The following RPH3AL variants were observed in gnomAD, a reference collection of about 807,000 sequenced individuals.
RPH3AL encodes rabphilin 3A like (without C2 domains).
Under a neutral mutation model 43.1 loss-of-function variants are expected in RPH3AL, and 38 were observed. That is an observed-to-expected ratio of 0.88 (90% CI 0.68 to 1.15). The LOEUF (loss-of-function observed/expected upper bound fraction) is 1.15. Ranked by LOEUF, RPH3AL falls within the 50% of genes most tolerant of loss-of-function variation. RPH3AL has a pLI of 0.00. For missense variants in RPH3AL, 462 were observed against 423.2 expected (o/e 1.09, Z -0.81); for synonymous variants, 189 against 176.3 (o/e 1.07, Z -0.57).
intron 5 of RPH3AL, among the ~76,000 whole-genome samples, chr17:315,552 G>A (rs879749302): frequency 4.9e-5 from 7 of 142,738 alleles, no homozygotes; most frequent in African/African-American, 1.7e-4. Context: ...CCATTGACCT[G>A]TAGTCCCTGT....
chr17:233,785 G>T (rs1238974741), intron 7 of RPH3AL, among the ~76,000 whole-genome samples: 3 of 152,320 alleles, frequency 2.0e-5, no homozygotes, highest in South Asian at 2.1e-4. Flanking sequence ...AGAGACAACA[G>T]GGCCGGGTGG....
rs75020999 is a variant in RPH3AL, at chr17:213,416, C to T, written c.*436G>A. 0.021 allele frequency: 4,467 copies of T among 216,718 alleles called. 80 individuals carry two copies. The highest frequency in any genetic ancestry group is 0.034 in the South Asian group (571 of 16,664). The allele number at this position is 216,718 out of a possible 1,614,324, so 13.4% of individuals were successfully genotyped here. A position where few individuals can be genotyped will look rare whatever the true frequency, so the allele number is the denominator to read the frequency against. ...CCCTCACTGCTCTGGCTCTGATGCT[C>T]ACCTCTAAGGGGCCACACGCAGCTT... On this transcript the variant is annotated 3_prime_UTR_variant, in exon 10 of 10. Transcript: ENST00000331302.
At chr17:312,234 A>T (rs567948141) in intron 5 of RPH3AL, among the ~76,000 whole-genome samples, 1 of 152,198 alleles carries the variant, frequency 6.6e-6, no homozygotes, top group South Asian at 2.1e-4. Flanking sequence ...CCAGGAGTTG[A>T]AGGCTGCAGT....
chr17:315,125 G>C (rs1392668807), intron 5 of RPH3AL, among the ~76,000 whole-genome samples: 13 of 146,218 alleles, frequency 8.9e-5, no homozygotes, highest in Non-Finnish European at 1.1e-4. Flanking sequence ...TTGACCTGTA[G>C]TCTCTGTGCT....
chr17:271,974 A>T (rs1038576435), intron 6 of RPH3AL, among the ~76,000 whole-genome samples: 4 of 152,262 alleles, frequency 2.6e-5, no homozygotes, highest in African/African-American at 9.6e-5. Flanking sequence ...TCAAAAGAAG[A>T]CATTTATGCA....
intron 7 of RPH3AL, among the ~76,000 whole-genome samples, chr17:244,393 T>C (rs1377375593): frequency 1.4e-5 from 2 of 147,400 alleles, no homozygotes; most frequent in Non-Finnish European, 3.0e-5. Flanking sequence ...GCCTAAGAGA[T>C]GTGGGATGTA....
intron 5 of RPH3AL, among the ~76,000 whole-genome samples, chr17:291,575 G>A (rs1386923482): frequency 3.9e-5 from 6 of 152,114 alleles, no homozygotes; most frequent in Non-Finnish European, 7.3e-5. Context: ...GAATGGCCTC[G>A]GTGCATGCAC....
At chr17:247,741 C>G (rs540048300) in intron 6 of RPH3AL, 1 of 159,674 alleles carries the variant, frequency 6.3e-6, no homozygotes, top group South Asian at 1.9e-4. Context: ...GAAAACCGTC[C>G]TCTGTTACCG....
At chr17:227,437 C>T (rs866215075) in intron 7 of RPH3AL, among the ~76,000 whole-genome samples, 5 of 151,578 alleles carry the variant, frequency 3.3e-5, no homozygotes, top group South Asian at 2.1e-4. Context: ...AGGGGACAGG[C>T]GTCATGCTGG....
chr17:301,557 G>T (rs4531806), intron 5 of RPH3AL, among the ~76,000 whole-genome samples: 30,043 of 152,098 alleles, frequency 0.2, 3,155 homozygotes, highest in Non-Finnish European at 0.24. Context: ...CTCCTGCCTT[G>T]GCCTCCCAAG....
chr17:302,029 C>T (rs535601850), intron 5 of RPH3AL, among the ~76,000 whole-genome samples: 71 of 152,360 alleles, frequency 4.7e-4, no homozygotes, highest in Admixed American at 4.0e-3. Context: ...AGACTCACTA[C>T]GGCCTGAGCC....
At chr17:275,456 C>A (rs1326607499) in intron 6 of RPH3AL, among the ~76,000 whole-genome samples, 1 of 151,966 alleles carries the variant, frequency 6.6e-6, no homozygotes. Context: ...CACATTCAAA[C>A]ACAAGCAGAA....
intron 5 of RPH3AL, among the ~76,000 whole-genome samples, chr17:315,440 G>GACTCCA (rs1163008497): frequency 1.4e-4 from 4 of 28,148 alleles, no homozygotes; most frequent in Non-Finnish European, 2.0e-4. Context: ...TAGTCCCTGT[G>GACTCCA]CCTCACCTCC....
intron 5 of RPH3AL, among the ~76,000 whole-genome samples, chr17:299,733 A>C (rs1446105800): frequency 6.6e-6 from 1 of 152,238 alleles, no homozygotes; most frequent in Non-Finnish European, 1.5e-5. Flanking sequence ...GCCGGACTGC[A>C]AATGTCATTA....
intron 5 of RPH3AL, among the ~76,000 whole-genome samples, chr17:292,720 C>T (rs555877028): frequency 2.6e-5 from 4 of 152,286 alleles, no homozygotes; most frequent in East Asian, 1.9e-4. Context: ...GATCCCTGGG[C>T]CCTCTCCTCT....
In RPH3AL at chr17:215,967, C is replaced by T. The variant is rs2040791322; in HGVS notation, c.728-165G>A. 1 of 484,124 alleles carries T rather than the reference C, an allele frequency of 2.1e-6. No individual in the cohort carries two copies. Among genetic ancestry groups the T allele is most frequent in the East Asian group, 3.5e-5 (1 of 28,610 alleles). 30.0% of individuals were successfully genotyped at this position (484,124 alleles called of 1,614,324 possible). ...ACCTCACCCACATGGCTGCCGGGCT[C>T]TGGCCTGACCCCACCCACATGGCTG... On this transcript the variant is annotated intron_variant, in intron 8 of 9. Transcript: ENST00000331302. This position sits in a 1 kb window ranked among gnomAD's most constrained non-coding sequence, Gnocchi z 4.1.
At chr17:330,156 C>T (rs1335734318) in intron 2 of RPH3AL, among the ~76,000 whole-genome samples, 3 of 152,208 alleles carry the variant, frequency 2.0e-5, no homozygotes, top group Non-Finnish European at 4.4e-5. Flanking sequence ...ACATGCAGAC[C>T]GCCTCCGCCT....
intron 7 of RPH3AL, among the ~76,000 whole-genome samples, chr17:222,292 C>T (rs9915268): frequency 0.47 from 72,243 of 152,212 alleles, 18,437 homozygotes; most frequent in African/African-American, 0.67. Flanking sequence ...GTAGAAGAGC[C>T]GGATTCTCAT....
intron 5 of RPH3AL, among the ~76,000 whole-genome samples, chr17:314,368 G>C (rs948261533): frequency 1.3e-5 from 2 of 152,126 alleles, no homozygotes; most frequent in South Asian, 4.1e-4. Flanking sequence ...AGGAGTCACT[G>C]CCCGAGTCCT....
Sources: gnomAD v4.1 joint callset for allele counts (sites outside exome capture counted in the v4.1 genomes callset) on GRCh38, gnomAD v4.1.1 for gene constraint, Gnocchi (gnomAD v3.1) non-coding constraint, MANE v1.5 for transcripts, NCBI Gene and HGNC (gene_info 2026-07-23, HGNC 2026-07-21) for gene names.